NXPE2: variants seen among roughly 807,000 people sequenced by gnomAD.
NXPE2 encodes the protein neurexophilin and PC-esterase domain family member 2, also known as NXPE family member 2.
In NXPE2, 34 loss-of-function variants were observed where a neutral mutation model predicts 34.4. The ratio of observed to expected loss-of-function variants is 0.99; its 90% CI spans 0.75 to 1.31. The LOEUF (loss-of-function observed/expected upper bound fraction) is 1.31. Among genes scored for constraint, NXPE2 ranks in the 40% most tolerant of loss-of-function variants. The pLI is 0.00. For synonymous variants in NXPE2, 235 were observed against 231.3 expected (o/e 1.02, Z -0.15); for missense variants, 649 against 672.5 (o/e 0.97, Z 0.39).
chr11:114,784,840 G>A, the NXPE2 span, among the ~76,000 whole-genome samples: 1 of 152,250 alleles, frequency 6.6e-6, no homozygotes, highest in East Asian at 1.9e-4. Flanking sequence ...AAAGCTTAAG[G>A]AGGCAGAGCC....
the NXPE2 span, among the ~76,000 whole-genome samples, chr11:114,747,827 G>A: frequency 1.9e-3 from 291 of 152,188 alleles, no homozygotes; most frequent in Admixed American, 9.0e-3. Flanking sequence ...TTTGTGGTGC[G>A]AAAAAATTTA....
At chr11:114,528,067 T>C in the NXPE2 span, among the ~76,000 whole-genome samples, 1 of 152,134 alleles carries the variant, frequency 6.6e-6, no homozygotes, top group African/African-American at 2.4e-5. Flanking sequence ...AGTGAGGATT[T>C]TGGAAGACTT....
the NXPE2 span, among the ~76,000 whole-genome samples, chr11:114,475,991 A>G: frequency 0.25 from 38,543 of 152,062 alleles, 5,020 homozygotes; most frequent in East Asian, 0.37. Context: ...TGTTACTTAC[A>G]TGGTGATTTG....
At chr11:114,671,123 G>A in the NXPE2 span, among the ~76,000 whole-genome samples, 1 of 149,008 alleles carries the variant, frequency 6.7e-6, no homozygotes, top group East Asian at 1.9e-4. Flanking sequence ...TTGAAATTCT[G>A]GAGTTGAAAA....
the NXPE2 span, among the ~76,000 whole-genome samples, chr11:114,720,121 T>G: frequency 6.6e-6 from 1 of 152,198 alleles, no homozygotes; most frequent in African/African-American, 2.4e-5. Context: ...TTTCACTTGT[T>G]TCTAGGGAGG....
the NXPE2 span, among the ~76,000 whole-genome samples, chr11:114,671,553 A>C: frequency 6.6e-6 from 1 of 152,176 alleles, no homozygotes; most frequent in Non-Finnish European, 1.5e-5. Context: ...AAAATAATTT[A>C]TAACATACCA....
the NXPE2 span, among the ~76,000 whole-genome samples, chr11:114,628,371 C>A: frequency 1.3e-5 from 2 of 152,186 alleles, no homozygotes; most frequent in Non-Finnish European, 2.9e-5. Flanking sequence ...GAATCTCACT[C>A]AAAACCACTG....
At chr11:114,709,826 C>T (rs189012462), downstream of NXPE2, among the ~76,000 whole-genome samples, 1,233 of 151,760 alleles carry the variant, frequency 8.1e-3, 4 homozygotes, top group Middle Eastern at 0.014. Flanking sequence ...CGCTTGAACC[C>T]GGGAGGCGGA....
At chr11:114,571,262 C>T in the NXPE2 span, 1 of 1,613,906 alleles carries the variant, frequency 6.2e-7, no homozygotes, top group African/African-American at 1.3e-5. Flanking sequence ...GTCTGAAATG[C>T]TGGCCCAGGG....
chr11:114,573,251 T>G, the NXPE2 span, among the ~76,000 whole-genome samples: 1 of 152,088 alleles, frequency 6.6e-6, no homozygotes, highest in Non-Finnish European at 1.5e-5. Context: ...AAATAGAACC[T>G]CCTTAAAGCA....
chr11:114,512,263 T>C, the NXPE2 span, among the ~76,000 whole-genome samples: 1 of 152,178 alleles, frequency 6.6e-6, no homozygotes. Flanking sequence ...ACTCCTTTAA[T>C]AGATTTTCCA....
At chr11:114,746,883 C>CAAA in the NXPE2 span, among the ~76,000 whole-genome samples, 2,651 of 126,546 alleles carry the variant, frequency 0.021, 87 homozygotes, top group African/African-American at 0.072. Context: ...AAGCCAAAAC[C>CAAA]AAAAAAAAAA....
At chr11:114,631,033 G>A in the NXPE2 span, among the ~76,000 whole-genome samples, 16 of 151,620 alleles carry the variant, frequency 1.1e-4, no homozygotes, top group African/African-American at 3.9e-4. Flanking sequence ...AACAGGTGCT[G>A]GAGAGGATGT....
the NXPE2 span, among the ~76,000 whole-genome samples, chr11:114,489,005 A>C: frequency 1.2e-4 from 19 of 152,220 alleles, no homozygotes; most frequent in South Asian, 4.1e-4. Flanking sequence ...AAATAGACGC[A>C]ATAAAAAATG....
At chr11:114,577,058 C>CAT in the NXPE2 span, among the ~76,000 whole-genome samples, 20 of 29,928 alleles carry the variant, frequency 6.7e-4, no homozygotes, top group South Asian at 2.6e-3. Context: ...TATATATATA[C>CAT]ATATATATAT....
the NXPE2 span, among the ~76,000 whole-genome samples, chr11:114,623,194 A>T: frequency 6.6e-6 from 1 of 151,462 alleles, no homozygotes; most frequent in African/African-American, 2.4e-5. Context: ...CTCTAGGGTA[A>T]CCATTGTTAC....
At chr11:114,726,060 A>G in the NXPE2 span, among the ~76,000 whole-genome samples, 1 of 149,894 alleles carries the variant, frequency 6.7e-6, no homozygotes, top group East Asian at 2.0e-4. Context: ...GAATGCACTG[A>G]CAAAAATTCT....
chr11:114,576,216 A>T, the NXPE2 span, among the ~76,000 whole-genome samples: 1 of 152,168 alleles, frequency 6.6e-6, no homozygotes, highest in Non-Finnish European at 1.5e-5. Flanking sequence ...TGGATCAAAG[A>T]CTTAAATTTA....
chr11:114,637,924 A>T, the NXPE2 span, among the ~76,000 whole-genome samples: 1 of 151,868 alleles, frequency 6.6e-6, no homozygotes. Context: ...ACTTTGGTGA[A>T]TCTGACAATT....
Sources: gnomAD v4.1 joint callset for allele counts (sites outside exome capture counted in the v4.1 genomes callset) on GRCh38, gnomAD v4.1.1 for gene constraint, MANE v1.5 for transcripts, NCBI Gene and HGNC (gene_info 2026-07-23, HGNC 2026-07-21) for gene names.